The following DDX42 variants were observed in gnomAD, a reference collection of about 807,000 sequenced individuals.
The protein encoded by DDX42 is DEAD-box helicase 42.
Under a neutral mutation model 101.5 loss-of-function variants are expected in DDX42, and 22 were observed. The ratio of observed to expected loss-of-function variants is 0.22; its 90% CI spans 0.15 to 0.31. The LOEUF is 0.31. Ranked by LOEUF, DDX42 falls within the 10% of genes least tolerant of loss-of-function variation. The pLI, the probability that DDX42 is intolerant of heterozygous loss-of-function variation, is 1.00. For synonymous variants in DDX42, 402 were observed against 401.2 expected, an observed-to-expected ratio of 1.00 and a Z score of -0.02; for missense variants, 849 against 1,199.9, an observed-to-expected ratio of 0.71 and a Z score of 4.32.
rs1441389701 is a variant in DDX42 at position 63,812,281 on chromosome 17, A to G, written c.1675+73A>G. The G allele has an allele frequency of 2.0e-6, 3 of 1,523,120 alleles. No homozygotes were observed. In the Admixed American group the frequency reaches 6.2e-5, roughly 31 times the overall value. 94.4% of individuals were successfully genotyped at this position (1,523,120 alleles called of 1,614,324 possible). Reference sequence around the variant, plus strand: ...TACTCTGTCTTACTACATAAGACCTATAATATCTGAGCAGGCTGATGGAAA... The same window carrying G: ...TACTCTGTCTTACTACATAAGACCTGTAATATCTGAGCAGGCTGATGGAAA... On this transcript the variant is annotated intron_variant, in intron 14 of 17. Coordinates refer to ENST00000389924, the MANE Select transcript of DDX42 (RefSeq NM_203499.3).
chr17:63,810,315 T>A, intron 11 of DDX42, 198 bp from the exon 12 acceptor site: 1 of 334,900 alleles, frequency 3.0e-6, no homozygotes, highest in Non-Finnish European at 5.4e-6. Context: ...GGCTGCGAAC[T>A]CCTGACCTCA....
intron 6 of DDX42, among the ~76,000 whole-genome samples, chr17:63,804,516 G>A (rs1342486630): frequency 6.6e-6 from 1 of 152,188 alleles, no homozygotes; most frequent in Non-Finnish European, 1.5e-5. Flanking sequence ...TATTAGGAGT[G>A]TTTTTAAATG....
At chr17:63,776,981 A>G (rs1163939988) in intron 1 of DDX42, among the ~76,000 whole-genome samples, 1 of 151,996 alleles carries the variant, frequency 6.6e-6, no homozygotes, top group Non-Finnish European at 1.5e-5. Flanking sequence ...CAGTCAGCTC[A>G]TTGTAACCTG....
intron 2 of DDX42, among the ~76,000 whole-genome samples, chr17:63,789,279 A>C (rs963180828): frequency 2.0e-5 from 3 of 151,806 alleles, no homozygotes; most frequent in African/African-American, 7.3e-5. Flanking sequence ...CGGTTTCACC[A>C]GGTTGGCCAG....
chr17:63,812,138 T>C lies in DDX42; in HGVS notation c.1605T>C (p.Ser535=). 1 of 1,614,112 alleles carries C rather than the reference T, an allele frequency of 6.2e-7. No homozygotes were observed. Residue 535 remains serine, a synonymous_variant, in exon 14 of 18, where the codon AGT becomes AGC. Transcript: ENST00000389924. ...TGCTCCATGGGGATATGGATCAGAG[T>C]GAGAGAAACAAGGTCATTTCAGACT... The part of the protein sequence containing the change: ...LGLLHGDMDQ[S]ERNKVISDFK...
At position 63,792,574 on chromosome 17, in the gene DDX42, C is replaced by T. The variant is rs754281732; in HGVS notation, c.372+12C>T. The T allele has an allele frequency of 7.5e-6, 12 of 1,600,160 alleles. No individual in the cohort carries two copies. The highest frequency in any genetic ancestry group is 4.0e-5 in the African/African-American group (3 of 74,466). ...TGGCTGAAGTGGAGGCAAGTATCAA[C>T]ATGTTTCATTAAAATATTTAGCAGT... On this transcript the variant is annotated intron_variant, in intron 3 of 17. Coordinates refer to ENST00000389924, the MANE Select transcript of DDX42 (RefSeq NM_203499.3).
At position 63,813,196 on chromosome 17, in the gene DDX42, G is replaced by A. The variant is rs761739089; in HGVS notation, c.1676-32G>A. 1.2e-4 allele frequency: 185 copies of A among 1,558,540 alleles called. 1 individual carries two copies. The highest frequency in any genetic ancestry group is 1.2e-3 in the South Asian group (101 of 85,570). On this transcript the variant is annotated intron_variant, in intron 14 of 17. Transcript: ENST00000389924. ...CTTTGATCTTCTGACTACAGATGAAGAATAAAAGAATTTGGTTGCTTTTTA... is the reference window on the plus strand; with the variant it reads ...CTTTGATCTTCTGACTACAGATGAAAAATAAAAGAATTTGGTTGCTTTTTA...
In DDX42 at chr17:63,800,473, T is replaced by C; in HGVS notation, c.477T>C (p.Ala159=). The change falls in exon 6 of 18, where the codon GCT becomes GCC. Residue 159 remains alanine, a synonymous_variant. Transcript: ENST00000389924. ...DDIEEEDDQE[A]YFRYMAENPT... is the part of the protein sequence containing the mutation. ...GTTCTTGTGCTTTCCTGCAGGAAGC[T>C]TATTTTCGATACATGGCAGAAAACC... 1 of 1,613,246 alleles carries C rather than the reference T, an allele frequency of 6.2e-7. No individual in the cohort carries two copies. The highest frequency in any genetic ancestry group is 2.2e-5 in the East Asian group (1 of 44,876).
intron 6 of DDX42, among the ~76,000 whole-genome samples, chr17:63,803,962 T>C (rs1300017714): frequency 6.6e-6 from 1 of 152,164 alleles, no homozygotes; most frequent in African/African-American, 2.4e-5. Context: ...GAGGCAAGAA[T>C]TTCTTATAGG....
At chr17:63,775,453 T>A (rs558293609) in intron 1 of DDX42, among the ~76,000 whole-genome samples, 16 of 152,102 alleles carry the variant, frequency 1.1e-4, no homozygotes, top group Non-Finnish European at 1.8e-4. Context: ...ATGATCAGTA[T>A]CTTAGGGAAA....
Position 63,805,118 on chromosome 17 carries a change from G to T in DDX42, c.669G>T (p.Glu223Asp), listed in dbSNP as rs2039822848. 6.2e-7 allele frequency: 1 copy of T among 1,613,124 alleles called. No homozygotes were observed. The highest frequency in any genetic ancestry group is 1.3e-5 in the African/African-American group (1 of 74,990). ...FEKNFYNEHE[E>D]ITNLTPQQLI... is the part of the protein sequence containing the mutation. ...AAAACTTTTACAATGAGCATGAAGA[G>T]ATAACCAACCTCACTCCACAGCAGT... is the stretch of plus-strand genomic sequence containing the variant. The change falls in exon 7 of 18, where the codon GAG becomes GAT. Residue 223 changes from glutamate to aspartate, a missense_variant. This residue lies in a region of DDX42 where 370 missense variants were observed against 608.8 expected (regional missense o/e 0.61). Coordinates refer to ENST00000389924, the MANE Select transcript of DDX42 (RefSeq NM_203499.3).
chr17:63,802,488 C>T (rs192293837), intron 6 of DDX42, among the ~76,000 whole-genome samples: 315 of 152,322 alleles, frequency 2.1e-3, no homozygotes, highest in African/African-American at 7.2e-3. Context: ...AAGCTTTCGG[C>T]CAGACGCAAT....
chr17:63,813,546 A>C (rs1265313919), intron 15 of DDX42, 92 bp downstream of exon 15: 1 of 1,201,858 alleles, frequency 8.3e-7, no homozygotes, highest in Non-Finnish European at 1.2e-6. Flanking sequence ...ACTTGACAAG[A>C]AAGTTGGGTG....
At chr17:63,797,422 C>G (rs893904272) in intron 3 of DDX42, among the ~76,000 whole-genome samples, 1 of 151,918 alleles carries the variant, frequency 6.6e-6, no homozygotes, top group Middle Eastern at 3.4e-3. Flanking sequence ...CACTCCAGCC[C>G]CAAGGATTCT....
At chr17:63,782,877 T>C (rs2144527716) in intron 1 of DDX42, among the ~76,000 whole-genome samples, 1 of 152,316 alleles carries the variant, frequency 6.6e-6, no homozygotes, top group East Asian at 1.9e-4. Flanking sequence ...GTCGTTAGCA[T>C]AGCCTTCTAA....
chr17:63,776,625 AGT>A (rs2039424229), intron 1 of DDX42, among the ~76,000 whole-genome samples: 1 of 149,126 alleles, frequency 6.7e-6, no homozygotes, highest in Non-Finnish European at 1.5e-5. Context: ...GATAGGTGAT[AGT>A]CTCATCTTTT....
In DDX42 at chr17:63,816,879, TAAC is replaced by T. The variant is rs1299802200; in HGVS notation, c.2028_2030del (p.Asn677del). 8 of 1,611,870 alleles carry T rather than the reference TAAC, an allele frequency of 5.0e-6. No homozygotes were observed. Among genetic ancestry groups the T allele is most frequent in the African/African-American group, 2.7e-5 (2 of 74,766 alleles). ...GTTTATTTTTTTAGGATCGAGGAAA[TAAC>T]AATGTAATGAGCAATTATGAGGCCT... On this transcript the variant is annotated inframe_deletion, in exon 17 of 18. Coordinates refer to ENST00000389924, the MANE Select transcript of DDX42 (RefSeq NM_203499.3).
intron 2 of DDX42, among the ~76,000 whole-genome samples, chr17:63,790,743 G>C (rs1238354245): frequency 6.6e-6 from 1 of 152,102 alleles, no homozygotes; most frequent in Non-Finnish European, 1.5e-5. Context: ...CTGGGCGACA[G>C]AGCAAGACTC....
rs149776779 is a variant in DDX42, at chr17:63,788,496, C to T, written c.221+1226C>T. Among the ~76,000 whole-genome samples, 8 of 150,500 alleles carry T rather than the reference C, an allele frequency of 5.3e-5. No homozygotes were observed. In the East Asian group the frequency reaches 7.9e-4, roughly 15 times the overall value. Reference sequence around the variant, plus strand: ...TAATTTTTTGTATTTTTAGTACAGACGGGGTTTCACCGTGTTAGCCACAAT... The same window carrying T: ...TAATTTTTTGTATTTTTAGTACAGATGGGGTTTCACCGTGTTAGCCACAAT... On this transcript the variant is annotated intron_variant, in intron 2 of 17. Coordinates refer to ENST00000389924, the MANE Select transcript of DDX42 (RefSeq NM_203499.3).
Sources: allele counts gnomAD v4.1 joint callset (sites outside exome capture counted in the v4.1 genomes callset), GRCh38; gene constraint gnomAD v4.1.1; regional missense constraint gnomAD v4.1.1; transcripts MANE v1.5; gene names NCBI Gene and HGNC (gene_info 2026-07-23, HGNC 2026-07-21).